TEAD1: variants seen among roughly 807,000 people sequenced by gnomAD.
TEAD1 encodes TEA domain transcription factor 1.
TEAD1 carries 9 observed loss-of-function variants against 54.9 expected under a neutral mutation model. The observed-to-expected ratio is 0.16, with a 90% CI of 0.10 to 0.29. TEAD1 has a LOEUF of 0.29. Among genes scored for constraint, TEAD1 ranks in the 10% least tolerant of loss-of-function variants. The pLI is 1.00. For synonymous variants in TEAD1, 200 were observed against 187.8 expected, an observed-to-expected ratio of 1.07 and a Z score of -0.53; for missense variants, 387 against 535.9, an observed-to-expected ratio of 0.72 and a Z score of 2.74.
chr11:12,674,687 G>A lies in TEAD1; in HGVS notation c.-355G>A, dbSNP rs914199510. On this transcript the variant is annotated 5_prime_UTR_variant, in exon 1 of 13. Transcript: ENST00000527636. ...AGCCCAGCGCGCCAGCCGGCCCCGG[G>A]GCAGGAGCGGTGCTAGGCAGGGGTG... is the stretch of plus-strand genomic sequence containing the variant. 18 of 151,456 alleles carry A rather than the reference G, an allele frequency of 1.2e-4. 2 individuals carry two copies. Among genetic ancestry groups the A allele is most frequent in the Admixed American group, 1.1e-3 (17 of 15,196 alleles). 9.4% of individuals were successfully genotyped at this position (151,456 alleles called of 1,614,324 possible).
chr11:12,681,319 A>G (rs1232620551), intron 2 of TEAD1, among the ~76,000 whole-genome samples: 3 of 152,212 alleles, frequency 2.0e-5, no homozygotes, highest in Non-Finnish European at 4.4e-5. Context: ...TTTTGATGAA[A>G]GGTTTCTAGT....
chr11:12,749,622 G>A (rs780921764), intron 2 of TEAD1, among the ~76,000 whole-genome samples: 5 of 152,294 alleles, frequency 3.3e-5, no homozygotes, highest in East Asian at 1.9e-4. Context: ...AGGAGAAGGC[G>A]CAGGCCTGAT....
intron 3 of TEAD1, among the ~76,000 whole-genome samples, chr11:12,789,428 T>G (rs965408190): frequency 6.6e-6 from 1 of 152,258 alleles, no homozygotes; most frequent in Non-Finnish European, 1.5e-5. Context: ...TTTAAGAAAG[T>G]ACAGTGACTT....
rs73411229 is a variant in TEAD1, at chr11:12,932,265, G to C, written c.1167+1939G>C. ...CAGGACTGGCATATAGCAGGTGCTT[G>C]ACATATAGGTGCTTCCTGTTGCTAT... On this transcript the variant is annotated intron_variant, in intron 12 of 12. Coordinates refer to ENST00000527636, the MANE Select transcript of TEAD1 (RefSeq NM_021961.6). 8.4e-3 allele frequency among the ~76,000 whole-genome samples: 1,286 copies of C among 152,252 alleles called. 21 individuals are homozygous for C. Among genetic ancestry groups the C allele is most frequent in the African/African-American group, 0.03 (1,233 of 41,522 alleles).
chr11:12,881,532 A>T (rs973380234), intron 7 of TEAD1, among the ~76,000 whole-genome samples: 4 of 151,846 alleles, frequency 2.6e-5, no homozygotes, highest in African/African-American at 9.7e-5. Context: ...TATATGCTGT[A>T]AAAAAAAACT....
At position 12,815,283 on chromosome 11, in the gene TEAD1, T is replaced by G. The variant is rs1564949686; in HGVS notation, c.203-46967T>G. Among the ~76,000 whole-genome samples the G allele has an allele frequency of 3.9e-5, 6 of 152,064 alleles. No homozygotes were observed. In the South Asian group the frequency reaches 1.0e-3, roughly 26 times the overall value. On this transcript the variant is annotated intron_variant, in intron 3 of 12. Coordinates refer to ENST00000527636, the MANE Select transcript of TEAD1 (RefSeq NM_021961.6). ...CCTTCCTTCCTTTTTCCCTTTCTTC[T>G]TCCCTCCCTCCCTTCCCAGATAGCT... is the stretch of plus-strand genomic sequence containing the variant.
chr11:12,821,962 T>TTTTTTTTTTTTA, intron 3 of TEAD1, among the ~76,000 whole-genome samples: 1 of 4,830 alleles, frequency 2.1e-4, no homozygotes, highest in Non-Finnish European at 3.8e-4. Context: ...TCTCTTTTCC[T>TTTTTTTTTTTTA]TTTTTTTTTT....
chr11:12,853,226 C>T (rs1221058046), intron 3 of TEAD1, among the ~76,000 whole-genome samples: 1 of 151,926 alleles, frequency 6.6e-6, no homozygotes, highest in African/African-American at 2.4e-5. Flanking sequence ...CTTAGCATGG[C>T]AGGGTGGGTT....
intron 3 of TEAD1, among the ~76,000 whole-genome samples, chr11:12,777,718 C>T (rs551643382): frequency 1.3e-5 from 2 of 152,318 alleles, no homozygotes; most frequent in East Asian, 3.9e-4. Flanking sequence ...TTTTCTGTCT[C>T]ACAGCAACAC....
chr11:12,815,467 G>T (rs1946395586), intron 3 of TEAD1, among the ~76,000 whole-genome samples: 1 of 152,188 alleles, frequency 6.6e-6, no homozygotes. Context: ...ATCTGGAGAA[G>T]AGGTCACAGA....
rs747441179 is a variant in TEAD1, at chr11:12,930,342, CTT to C, written c.1167+18_1167+19del. 9 of 1,614,014 alleles carry C rather than the reference CTT, an allele frequency of 5.6e-6. No individual in the cohort carries two copies. The highest frequency in any genetic ancestry group is 5.0e-5 in the Admixed American group (3 of 60,026). Reference sequence around the variant, plus strand: ...AATTTTATTGGTAATGGTTTTGTCTCTTTCCTCTGTGGGCAGATGCTGCCATG... The same window carrying C: ...AATTTTATTGGTAATGGTTTTGTCTCTCCTCTGTGGGCAGATGCTGCCATG... On this transcript the variant is annotated intron_variant, in intron 12 of 12. Coordinates refer to ENST00000527636, the MANE Select transcript of TEAD1 (RefSeq NM_021961.6).
intron 9 of TEAD1, among the ~76,000 whole-genome samples, chr11:12,883,949 C>T (rs771457128): frequency 1.9e-4 from 28 of 150,402 alleles, no homozygotes; most frequent in Non-Finnish European, 3.2e-4. Context: ...GAGCCAAGAT[C>T]GCGCCACTGC....
chr11:12,909,463 G>A (rs7114452), intron 10 of TEAD1, among the ~76,000 whole-genome samples: 8,699 of 148,064 alleles, frequency 0.059, 351 homozygotes, highest in East Asian at 0.13. Context: ...TCATAAGTGG[G>A]AGTTGAACAA....
At chr11:12,834,404 T>G (rs1946842546) in intron 3 of TEAD1, among the ~76,000 whole-genome samples, 1 of 152,214 alleles carries the variant, frequency 6.6e-6, no homozygotes, top group Non-Finnish European at 1.5e-5. Flanking sequence ...TGGGCTGAAA[T>G]CCCAGTGCTA....
At chr11:12,934,260 C>T (rs1949061265) in intron 12 of TEAD1, among the ~76,000 whole-genome samples, 2 of 152,036 alleles carry the variant, frequency 1.3e-5, no homozygotes, top group African/African-American at 4.8e-5. Context: ...AGCTGGAAAC[C>T]ATCATTCTCA....
chr11:12,801,003 C>T (rs996726602), intron 3 of TEAD1, among the ~76,000 whole-genome samples: 2 of 152,202 alleles, frequency 1.3e-5, no homozygotes, highest in African/African-American at 2.4e-5. Context: ...TTGCTGGAAG[C>T]ACAGCCTGGA....
At chr11:12,827,528 A>G (rs755162105) in intron 3 of TEAD1, among the ~76,000 whole-genome samples, 1 of 152,196 alleles carries the variant, frequency 6.6e-6, no homozygotes, top group Non-Finnish European at 1.5e-5. Context: ...CAGATAAGTT[A>G]ATGACTTGCT....
chr11:12,739,363 T>C (rs1056676063), intron 2 of TEAD1, among the ~76,000 whole-genome samples: 4 of 152,226 alleles, frequency 2.6e-5, no homozygotes, highest in Admixed American at 2.6e-4. Context: ...TGACATTGTT[T>C]TGCTATCGTC....
chr11:12,836,144 G>A (rs1236052141), intron 3 of TEAD1, among the ~76,000 whole-genome samples: 1 of 152,138 alleles, frequency 6.6e-6, no homozygotes, highest in Non-Finnish European at 1.5e-5. Context: ...TTTTAGGCCG[G>A]GTGTGGTGGC....
Sources: gnomAD v4.1 joint callset for allele counts (sites outside exome capture counted in the v4.1 genomes callset) on GRCh38, gnomAD v4.1.1 for gene constraint, MANE v1.5 for transcripts, NCBI Gene and HGNC (gene_info 2026-07-23, HGNC 2026-07-21) for gene names.